Variants in IMMP1L observed in about 807,000 individuals in gnomAD.
IMMP1L encodes the protein inner mitochondrial membrane peptidase subunit 1, also known as mitochondrial inner membrane protease subunit 1.
In IMMP1L, 24 loss-of-function variants were observed where a neutral mutation model predicts 21.8. That is an observed-to-expected ratio of 1.10 (90% CI 0.80 to 1.55). The LOEUF (loss-of-function observed/expected upper bound fraction) is 1.55, where lower values mean the gene tolerates loss of function less well. IMMP1L is among the 40% of genes most tolerant of loss of function. The pLI is 0.00. For missense variants in IMMP1L, 195 were observed against 200.7 expected (o/e 0.97, Z 0.17); for synonymous variants, 46 against 62.8 (o/e 0.73, Z 1.26).
intron 4 of IMMP1L, among the ~76,000 whole-genome samples, chr11:31,436,607 A>G (rs1953129513): frequency 6.6e-6 from 1 of 151,606 alleles, no homozygotes; most frequent in Non-Finnish European, 1.5e-5. Flanking sequence ...TAATTTTTCT[A>G]TTTCAGTAGA....
intron 1 of IMMP1L, among the ~76,000 whole-genome samples, chr11:31,504,991 G>T (rs1198656072): frequency 6.6e-6 from 1 of 152,154 alleles, no homozygotes; most frequent in Non-Finnish European, 1.5e-5. Context: ...GTGTAGACAT[G>T]ACCTTAGTAT....
intron 4 of IMMP1L, chr11:31,437,071 C>A (rs978225324): frequency 4.9e-6 from 2 of 412,236 alleles, no homozygotes; most frequent in Non-Finnish European, 9.6e-6. Context: ...AAAACCTCTA[C>A]GTACAGATCT....
intron 1 of IMMP1L, among the ~76,000 whole-genome samples, chr11:31,499,208 C>CA (rs1955541727): frequency 1.3e-5 from 2 of 151,786 alleles, no homozygotes; most frequent in African/African-American, 4.8e-5. Context: ...ACTAAAAATA[C>CA]AAAAAAATTA....
At position 31,463,233 on chromosome 11, in the gene IMMP1L, T is replaced by C. The variant is rs754265667; in HGVS notation, c.44A>G (p.Tyr15Cys). The C allele has an allele frequency of 4.3e-6, 7 of 1,612,922 alleles. No individual in the cohort carries two copies. The highest frequency in any genetic ancestry group is 1.1e-5 in the South Asian group (1 of 90,882). Residue 15 changes from tyrosine to cysteine, a missense_variant, in exon 2 of 6, where the codon TAT becomes TGT. Transcript: ENST00000532287. ...AGCTATACAGCCATATTGAATAGTA[T>C]AGCCAACAAGTCGAAAGGTTTTCCC... ...VLGKTFRLVGYTIQYGCIAHC... is the reference protein window; with the variant it reads ...VLGKTFRLVGCTIQYGCIAHC...
chr11:31,467,009 C>T (rs891398835), intron 1 of IMMP1L, among the ~76,000 whole-genome samples: 12 of 152,072 alleles, frequency 7.9e-5, no homozygotes, highest in African/African-American at 2.9e-4. Flanking sequence ...AACACAATAT[C>T]ACTGTATCCC....
intron 1 of IMMP1L, among the ~76,000 whole-genome samples, chr11:31,484,408 G>A (rs887766067): frequency 2.0e-5 from 3 of 151,594 alleles, no homozygotes; most frequent in African/African-American, 7.3e-5. Context: ...AATAACAATG[G>A]TATGTGAAAA....
rs377353610 is a variant in IMMP1L, at chr11:31,506,679, C to T, written c.-30+2840G>A. 4.2e-5 allele frequency among the ~76,000 whole-genome samples: 6 copies of T among 143,574 alleles called. No homozygotes were observed. In the East Asian group the frequency reaches 6.2e-4, roughly 15 times the overall value. 94.2% of individuals were successfully genotyped at this position (143,574 alleles called of 152,430 possible). A position where few individuals can be genotyped will look rare whatever the true frequency, so the allele number is the denominator to read the frequency against. On this transcript the variant is annotated intron_variant, in intron 1 of 5. Coordinates refer to ENST00000532287, the MANE Select transcript of IMMP1L (RefSeq NM_001304274.2). ...TTGTTAAAAAAAAAAAAAAAAAAGG[C>T]GGCTGGGCGCGGTGGCTCACACCTG...
Position 31,460,652 on chromosome 11 carries a change from A to C in IMMP1L, c.168T>G (p.Leu56=). ...QNSDIVFAEN[L]SRHFYGIQRG... ...TTTGGATACCATAAAAATGTCGACTAAGATTTTCTGCAAAGACAATATCTG... is the reference window on the plus strand; with the variant it reads ...TTTGGATACCATAAAAATGTCGACTCAGATTTTCTGCAAAGACAATATCTG... The change falls in exon 3 of 6, where the codon CTT becomes CTG. Residue 56 remains leucine, a synonymous_variant. Transcript: ENST00000532287. 1.2e-6 allele frequency: 2 copies of C among 1,610,254 alleles called. No individual in the cohort carries two copies. The highest frequency in any genetic ancestry group is 1.7e-6 in the Non-Finnish European group (2 of 1,176,794).
At chr11:31,472,525 G>A (rs1471941670) in intron 1 of IMMP1L, among the ~76,000 whole-genome samples, 1 of 152,046 alleles carries the variant, frequency 6.6e-6, no homozygotes, top group Non-Finnish European at 1.5e-5. Flanking sequence ...TGTACCATGT[G>A]TGCTGTGAAA....
At position 31,456,379 on chromosome 11, in the gene IMMP1L, T is replaced by C. The variant is rs374750848; in HGVS notation, c.202A>G (p.Ile68Val). ...TCACTTGGGCTTTTTGCAATCACAATGTCACCTCTGAGGGGGAAAAGTCAA... is the reference window on the plus strand; with the variant it reads ...TCACTTGGGCTTTTTGCAATCACAACGTCACCTCTGAGGGGGAAAAGTCAA... ...RHFYGIQRGD[I>V]VIAKSPSDPK... Residue 68 changes from isoleucine to valine, a missense_variant, in exon 4 of 6, where the codon ATT becomes GTT. Physicochemically the swap from Ile to Val is conservative, Grantham distance 29. Transcript: ENST00000532287. The C allele has an allele frequency of 1.7e-5, 27 of 1,610,828 alleles. 1 individual carries two copies. The highest frequency in any genetic ancestry group is 2.3e-5 in the Non-Finnish European group (27 of 1,177,790).
chr11:31,496,835 T>C (rs917954595), intron 1 of IMMP1L, among the ~76,000 whole-genome samples: 1 of 148,074 alleles, frequency 6.8e-6, no homozygotes, highest in East Asian at 1.9e-4. Context: ...ATATAATCTA[T>C]AATTTTATAT....
At chr11:31,432,594 A>T (rs1251718246) in intron 5 of IMMP1L, 26 bp from the exon 6 acceptor site, 1 of 1,496,738 alleles carries the variant, frequency 6.7e-7, no homozygotes, top group Non-Finnish European at 9.3e-7. Flanking sequence ...GAGGTTGAAG[A>T]CAATTAGTGA....
intron 4 of IMMP1L, 116 bp downstream of exon 4, chr11:31,456,144 G>T: frequency 3.2e-6 from 2 of 629,188 alleles, no homozygotes; most frequent in Admixed American, 6.6e-5. Context: ...AAATTCTACT[G>T]GATGCCCTTT....
intron 4 of IMMP1L, among the ~76,000 whole-genome samples, chr11:31,442,971 C>A (rs961530870): frequency 2.0e-5 from 3 of 151,908 alleles, no homozygotes; most frequent in African/African-American, 7.3e-5. Flanking sequence ...ATGCATAATA[C>A]CCTTGCCTAT....
At position 31,433,550 on chromosome 11, in the gene IMMP1L, C is replaced by CTTA. The variant is rs1202096548; in HGVS notation, c.341_342insTAA (p.Trp114delinsCysLys). ...AATTCTGTAGATTGTCACCTTCTAACCAAACATGACCCATTGGCACCTAGA... is the reference window on the plus strand; with the variant it reads ...AATTCTGTAGATTGTCACCTTCTAACTTACAAACATGACCCATTGGCACCTAGA... On this transcript the variant is annotated protein_altering_variant, in exon 5 of 6. Transcript: ENST00000532287. 2 of 1,610,330 alleles carry CTTA rather than the reference C, an allele frequency of 1.2e-6. No homozygotes were observed. The highest frequency in any genetic ancestry group is 2.7e-5 in the African/African-American group (2 of 74,794).
intron 1 of IMMP1L, among the ~76,000 whole-genome samples, chr11:31,491,691 G>C (rs1007517179): frequency 2.0e-5 from 3 of 152,224 alleles, no homozygotes; most frequent in African/African-American, 7.2e-5. Context: ...GCTAAAACAT[G>C]CTCTGGAGAA....
intron 4 of IMMP1L, among the ~76,000 whole-genome samples, chr11:31,438,599 ATAT>A (rs1006095605): frequency 6.6e-6 from 1 of 152,098 alleles, no homozygotes; most frequent in Admixed American, 6.5e-5. Flanking sequence ...GATTATGAAC[ATAT>A]TATACTATAT....
chr11:31,444,308 T>C (rs1176590582), intron 4 of IMMP1L, among the ~76,000 whole-genome samples: 1 of 152,204 alleles, frequency 6.6e-6, no homozygotes, highest in African/African-American at 2.4e-5. Flanking sequence ...TTATGTCTAT[T>C]GGGCTTTCTT....
intron 1 of IMMP1L, among the ~76,000 whole-genome samples, chr11:31,476,371 C>T (rs1954729611): frequency 6.6e-6 from 1 of 152,026 alleles, no homozygotes; most frequent in South Asian, 2.1e-4. Flanking sequence ...CCAGTTAAAC[C>T]AAACCCGGGA....
Sources: allele counts gnomAD v4.1 joint callset (sites outside exome capture counted in the v4.1 genomes callset), GRCh38; gene constraint gnomAD v4.1.1; transcripts MANE v1.5; gene names NCBI Gene and HGNC (gene_info 2026-07-23, HGNC 2026-07-21).